The following EPB42 variants were observed in gnomAD, a reference collection of about 807,000 sequenced individuals.
EPB42 encodes the protein erythrocyte membrane protein band 4.2, also known as protein 4.2.
EPB42 carries 49 observed loss-of-function variants against 76.9 expected under a neutral mutation model. The observed-to-expected ratio is 0.64, with a 90% CI of 0.51 to 0.81. EPB42 has a LOEUF of 0.81. EPB42 is among the 30% of genes least tolerant of loss of function. The pLI is 0.00. For missense variants in EPB42, 731 were observed against 867.6 expected (o/e 0.84, Z 1.98); for synonymous variants, 310 against 338.4 (o/e 0.92, Z 0.92).
In EPB42 at chr15:43,211,440, C is replaced by G; in HGVS notation, c.525G>C (p.Gln175His). 2 of 1,613,756 alleles carry G rather than the reference C, an allele frequency of 1.2e-6. No homozygotes were observed. Among genetic ancestry groups the G allele is most frequent in the Non-Finnish European group, 8.5e-7 (1 of 1,179,624 alleles). The change falls in exon 4 of 13, where the codon CAG becomes CAC. Residue 175 changes from glutamine to histidine, a missense_variant. By Grantham distance (24) the Gln-to-His change is conservative (BLOSUM62 0). Transcript: ENST00000441366. ...LIYLGTADCI[Q>H]AESWDFGQFE... ...CCTGGCCAAAGTCCCAGGACTCTGCCTGGATGCAGTCAGCTGTACCCAGGT... is the reference window on the plus strand; with the variant it reads ...CCTGGCCAAAGTCCCAGGACTCTGCGTGGATGCAGTCAGCTGTACCCAGGT...
upstream of EPB42, among the ~76,000 whole-genome samples, chr15:43,221,950 C>A (rs1389912798): frequency 1.3e-5 from 2 of 151,918 alleles, no homozygotes; most frequent in Admixed American, 1.3e-4. Context: ...CGAGACCAGC[C>A]TGGCCAATAT....
chr15:43,220,863 A>G lies in EPB42; in HGVS notation c.-38T>C. The G allele has an allele frequency of 2.5e-6, 4 of 1,577,466 alleles. No individual in the cohort carries two copies. Among genetic ancestry groups the G allele is most frequent in the Non-Finnish European group, 3.5e-6 (4 of 1,153,478 alleles). ...CTCCTCTTATCCACTTGGCCGCAGA[A>G]AGCGCCTCTCTCAAACTGTTGCTTC... On this transcript the variant is annotated 5_prime_UTR_variant, in exon 1 of 13. Transcript: ENST00000441366.
upstream of EPB42, among the ~76,000 whole-genome samples, chr15:43,224,651 C>T (rs149334450): frequency 9.8e-5 from 15 of 152,324 alleles, no homozygotes; most frequent in East Asian, 2.9e-3. Context: ...ACTACCTAAA[C>T]ATCCATGCAT....
rs138450516 is a variant in EPB42, at chr15:43,213,867, C to T, written c.430+1228G>A. Among the ~76,000 whole-genome samples the T allele has an allele frequency of 1.7e-4, 26 of 152,316 alleles. No homozygotes were observed. The East Asian group carries it at 4.6e-3, about 27-fold the overall frequency. On this transcript the variant is annotated intron_variant, in intron 3 of 12. Transcript: ENST00000441366. ...TGGGGCCACCTGAAGTCGGGGAGAA[C>T]GCTGCCCTGGACAGAAGAAGTGGAG...
At chr15:43,207,878 A>AT (rs1424243290) in intron 8 of EPB42, among the ~76,000 whole-genome samples, 2 of 152,078 alleles carry the variant, frequency 1.3e-5, no homozygotes, top group Non-Finnish European at 2.9e-5. Flanking sequence ...GCCTATCCCG[A>AT]TGCCCTCTTC....
rs756186784 is a variant in EPB42 at position 43,220,877 on chromosome 15, A to G, written c.-52T>C. On this transcript the variant is annotated 5_prime_UTR_variant, in exon 1 of 13. Transcript: ENST00000441366. ...TTGGCCGCAGAAAGCGCCTCTCTCA[A>G]ACTGTTGCTTCTGGGCTCCTTCTGG... 2.7e-6 allele frequency: 4 copies of G among 1,508,182 alleles called. No homozygotes were observed. The highest frequency in any genetic ancestry group is 2.2e-5 in the South Asian group (2 of 89,234). The allele number at this position is 1,508,182 out of a possible 1,614,324, so 93.4% of individuals were successfully genotyped here. A position where few individuals can be genotyped will look rare whatever the true frequency, so the allele number is the denominator to read the frequency against.
chr15:43,209,118 C>T (rs891826803), intron 6 of EPB42, among the ~76,000 whole-genome samples, 156 bp downstream of exon 6: 10 of 152,172 alleles, frequency 6.6e-5, no homozygotes, highest in African/African-American at 2.2e-4. Flanking sequence ...CAGAAGCTGG[C>T]GGGAGGAGCT....
rs199833430 is a variant in EPB42, at chr15:43,210,349, C to T, written c.640G>A (p.Val214Met). The T allele has an allele frequency of 1.1e-5, 18 of 1,613,722 alleles. No homozygotes were observed. In the African/African-American group the frequency reaches 2.4e-4, roughly 22 times the overall value. ...CTCTCGCTTACCAAGGCACCCAACA[C>T]ACGGGCCACGTGCACCGGCTGGCTC... ...KWSQPVHVAR[V>M]LGALLHFLKE... Residue 214 changes from valine to methionine, a missense_variant, in exon 5 of 13, where the codon GTG becomes ATG. By Grantham distance (21) the Val-to-Met change is conservative. Transcript: ENST00000441366.
At chr15:43,208,558 G>A (rs1439692790) in intron 7 of EPB42, 79 bp downstream of exon 7, 1 of 1,589,964 alleles carries the variant, frequency 6.3e-7, no homozygotes, top group Non-Finnish European at 8.6e-7. Context: ...CATGCAGGGG[G>A]TGGGGCTCCT....
upstream of EPB42, among the ~76,000 whole-genome samples, chr15:43,225,395 C>G (rs912411976): frequency 3.9e-5 from 6 of 152,248 alleles, no homozygotes; most frequent in East Asian, 1.2e-3. Context: ...CCTAGGAGAG[C>G]AATGGGGAGG....
At position 43,208,790 on chromosome 15, in the gene EPB42, G is replaced by C; in HGVS notation, c.833-15C>G. On this transcript the variant is annotated splice_polypyrimidine_tract_variant and intron_variant, in intron 6 of 12. Transcript: ENST00000441366. ...GCATCGCAGCACTGTGAGAAGAGGG[G>C]CGGAGTGTCAGGGGGCGCTTGAGAG... 1.2e-6 allele frequency: 2 copies of C among 1,613,382 alleles called. No individual in the cohort carries two copies. Among genetic ancestry groups the C allele is most frequent in the Non-Finnish European group, 1.7e-6 (2 of 1,179,698 alleles).
chr15:43,221,665 C>T (rs2042461605), upstream of EPB42, among the ~76,000 whole-genome samples: 3 of 152,026 alleles, frequency 2.0e-5, no homozygotes, highest in South Asian at 4.2e-4. Flanking sequence ...ATACATGAGA[C>T]GTCTATAGAA....
upstream of EPB42, chr15:43,221,068 T>C (rs887433527): frequency 2.2e-5 from 12 of 538,306 alleles, no homozygotes; most frequent in Non-Finnish European, 3.7e-5. Context: ...AGTAACCCTG[T>C]TCATTTTATC....
At chr15:43,223,698 G>A (rs951164003), upstream of EPB42, among the ~76,000 whole-genome samples, 1 of 150,974 alleles carries the variant, frequency 6.6e-6, no homozygotes, top group Non-Finnish European at 1.5e-5. Flanking sequence ...GTGCAGCCTC[G>A]GCTGGGCGCG....
Position 43,199,471 on chromosome 15 carries a change from C to A in EPB42, c.1914-2007G>T, listed in dbSNP as rs2042095909. Reference sequence around the variant, plus strand: ...TCCATTTGGAATGGCTGTATTTACCCAATACCTGTACCCCCACTGTATCTA... The same window carrying A: ...TCCATTTGGAATGGCTGTATTTACCAAATACCTGTACCCCCACTGTATCTA... On this transcript the variant is annotated intron_variant, in intron 12 of 12. Coordinates refer to ENST00000441366, the MANE Select transcript of EPB42 (RefSeq NM_001114134.2). Among the ~76,000 whole-genome samples the A allele has an allele frequency of 2.0e-5, 3 of 152,216 alleles. No homozygotes were observed. In the South Asian group the frequency reaches 6.2e-4, roughly 32 times the overall value.
intron 1 of EPB42, among the ~76,000 whole-genome samples, chr15:43,219,758 A>G (rs1567285126): frequency 6.6e-6 from 1 of 152,154 alleles, no homozygotes; most frequent in Admixed American, 6.6e-5. Context: ...CATCCTGGCC[A>G]ACAAGGTGAA....
upstream of EPB42, among the ~76,000 whole-genome samples, chr15:43,225,666 G>C (rs1277735061): frequency 6.6e-6 from 1 of 152,190 alleles, no homozygotes. Flanking sequence ...ACAATACTAA[G>C]TGCGTACACC....
chr15:43,209,515 G>C, intron 5 of EPB42, 64 bp from the exon 6 acceptor site: 1 of 1,533,460 alleles, frequency 6.5e-7, no homozygotes, highest in South Asian at 1.2e-5. Flanking sequence ...CCAGGGCATG[G>C]GTAAGGAGGG....
Position 43,197,267 on chromosome 15 carries a change from AG to A in EPB42, c.*34del. The stretch of plus-strand genomic sequence containing the variant: ...CATGTTTGGTTTAGATTGTAGAACA[AG>A]GGTTGGCAGGAGAGTGGTGATAGAG... On this transcript the variant is annotated 3_prime_UTR_variant, in exon 13 of 13. Coordinates refer to ENST00000441366, the MANE Select transcript of EPB42 (RefSeq NM_001114134.2). 6.2e-7 allele frequency: 1 copy of A among 1,613,910 alleles called. No homozygotes were observed. The highest frequency in any genetic ancestry group is 2.2e-5 in the East Asian group (1 of 44,886).
Sources: gnomAD v4.1 joint callset for allele counts (sites outside exome capture counted in the v4.1 genomes callset) on GRCh38, gnomAD v4.1.1 for gene constraint, MANE v1.5 for transcripts, NCBI Gene and HGNC (gene_info 2026-07-23, HGNC 2026-07-21) for gene names.